The following UBE2W variants were observed in gnomAD, a reference collection of about 807,000 sequenced individuals.
UBE2W encodes ubiquitin-conjugating enzyme E2 W.
In UBE2W, 18 loss-of-function variants were observed where a neutral mutation model predicts 27.2. The observed-to-expected ratio is 0.66, with a 90% CI of 0.46 to 0.98. The LOEUF is 0.98. UBE2W is among the 50% of genes least tolerant of loss of function. The pLI is 0.00. For missense variants in UBE2W, 90 were observed against 180.2 expected (o/e 0.50, Z 2.87); for synonymous variants, 53 against 57.2 (o/e 0.93, Z 0.33).
At chr8:73,811,589 T>C (rs1809157226) in intron 3 of UBE2W, among the ~76,000 whole-genome samples, 1 of 152,120 alleles carries the variant, frequency 6.6e-6, no homozygotes, top group Non-Finnish European at 1.5e-5. Context: ...AAAGAACACA[T>C]AGTTGGAAGA....
intron 1 of UBE2W, among the ~76,000 whole-genome samples, chr8:73,844,879 C>A (rs534384265): frequency 1.3e-5 from 2 of 151,484 alleles, no homozygotes; most frequent in South Asian, 2.1e-4. Flanking sequence ...ACGGGCCACC[C>A]CGTCTGAGAA....
chr8:73,864,697 C>A (rs1048711785), intron 1 of UBE2W, among the ~76,000 whole-genome samples: 1 of 143,266 alleles, frequency 7.0e-6, no homozygotes, highest in Non-Finnish European at 1.5e-5. Context: ...CTGCCTCAGC[C>A]TCCCGAGTAG....
rs1810184629 is a variant in UBE2W, at chr8:73,833,625, CA to C, written c.16-3154del. ...CTCTTCCCTTGTTATCATCAGTGGACATACTTTTTCAGTGTACAACCAGGCA... is the reference window on the plus strand; with the variant it reads ...CTCTTCCCTTGTTATCATCAGTGGACTACTTTTTCAGTGTACAACCAGGCA... On this transcript the variant is annotated intron_variant, in intron 1 of 5. Coordinates refer to ENST00000602593, the MANE Select transcript of UBE2W (RefSeq NM_018299.6). 3.9e-5 allele frequency: 6 copies of C among 152,022 alleles called. No homozygotes were observed. The South Asian group carries it at 1.2e-3, about 31-fold the overall frequency. 9.4% of individuals were successfully genotyped at this position (152,022 alleles called of 1,614,324 possible). A position where few individuals can be genotyped will look rare whatever the true frequency, so the allele number is the denominator to read the frequency against.
intron 1 of UBE2W, among the ~76,000 whole-genome samples, chr8:73,845,569 C>G (rs1009406125): frequency 3.9e-5 from 6 of 151,990 alleles, no homozygotes; most frequent in African/African-American, 1.5e-4. Flanking sequence ...ACAAACATTG[C>G]GGAAGGCGGC....
chr8:73,798,897 G>T (rs893516867), intron 5 of UBE2W, among the ~76,000 whole-genome samples: 1 of 151,824 alleles, frequency 6.6e-6, no homozygotes, highest in Non-Finnish European at 1.5e-5. Context: ...GAGGTGAGTT[G>T]TCTATTTTGC....
At chr8:73,817,709 C>T (rs1372028833) in intron 3 of UBE2W, among the ~76,000 whole-genome samples, 1 of 152,066 alleles carries the variant, frequency 6.6e-6, no homozygotes, top group Non-Finnish European at 1.5e-5. Flanking sequence ...GTATGGGTTT[C>T]ACCATGTTGG....
intron 2 of UBE2W, among the ~76,000 whole-genome samples, chr8:73,829,008 C>T (rs1370542889): frequency 2.0e-5 from 3 of 151,958 alleles, no homozygotes; most frequent in Non-Finnish European, 4.4e-5. Context: ...GAAGATGGCA[C>T]AAAGGTAAAA....
chr8:73,820,506 G>A (rs1809564338), intron 3 of UBE2W, among the ~76,000 whole-genome samples: 1 of 152,016 alleles, frequency 6.6e-6, no homozygotes, highest in East Asian at 1.9e-4. Context: ...ACAGGCCGAG[G>A]CGAGCAGATC....
intron 1 of UBE2W, 108 bp from the exon 2 acceptor site, chr8:73,830,580 G>A: frequency 1.3e-6 from 1 of 790,046 alleles, no homozygotes; most frequent in Non-Finnish European, 2.1e-6. Flanking sequence ...CAAACTCCTG[G>A]GCTCAAGGAA....
chr8:73,829,157 T>C (rs1369039027), intron 2 of UBE2W, among the ~76,000 whole-genome samples: 4 of 152,168 alleles, frequency 2.6e-5, no homozygotes, highest in African/African-American at 9.6e-5. Context: ...TACCTGGTAA[T>C]CTATTAAAAT....
At chr8:73,784,640 T>C (rs1295226974), downstream of UBE2W, among the ~76,000 whole-genome samples, 2 of 152,262 alleles carry the variant, frequency 1.3e-5, no homozygotes, top group East Asian at 3.9e-4. Context: ...CACACCTTAA[T>C]CCAAGTCCAA....
intron 1 of UBE2W, among the ~76,000 whole-genome samples, chr8:73,849,807 A>G (rs1449235353): frequency 6.6e-6 from 1 of 152,086 alleles, no homozygotes; most frequent in Non-Finnish European, 1.5e-5. Context: ...AGAGTACAGA[A>G]TGGTTCAGAG....
Position 73,789,107 on chromosome 8 carries a change from A to C in UBE2W, c.*4995T>G, listed in dbSNP as rs1443569619. On this transcript the variant is annotated 3_prime_UTR_variant, in exon 6 of 6. Transcript: ENST00000602593. ...CCTAACTTCAACTTTCAGGATAGAG[A>C]GCTAAGTTTCAAGTACATGTCTAGA... The C allele has an allele frequency of 1.0e-6, 1 of 984,998 alleles. No individual in the cohort carries two copies. Among genetic ancestry groups the C allele is most frequent in the African/African-American group, 1.7e-5 (1 of 57,148 alleles). The allele number at this position is 984,998 out of a possible 1,614,324, so 61.0% of individuals were successfully genotyped here. A position where few individuals can be genotyped will look rare whatever the true frequency, so the allele number is the denominator to read the frequency against.
intron 4 of UBE2W, among the ~76,000 whole-genome samples, chr8:73,807,946 A>G (rs1488350342): frequency 1.3e-5 from 2 of 152,222 alleles, no homozygotes; most frequent in Non-Finnish European, 2.9e-5. Context: ...AGGCATGCAA[A>G]TAAAGTGGAA....
At chr8:73,822,153 C>T (rs977196469) in intron 3 of UBE2W, among the ~76,000 whole-genome samples, 1 of 152,158 alleles carries the variant, frequency 6.6e-6, no homozygotes, top group African/African-American at 2.4e-5. Context: ...ACATTGAAGG[C>T]ACCCCTCCTG....
chr8:73,836,793 C>A (rs1174302567), intron 1 of UBE2W, among the ~76,000 whole-genome samples: 6 of 152,196 alleles, frequency 3.9e-5, no homozygotes, highest in African/African-American at 1.2e-4. Flanking sequence ...AGGTATGACA[C>A]CACTGGCTTA....
chr8:73,832,937 C>T (rs907808891), intron 1 of UBE2W, among the ~76,000 whole-genome samples: 1 of 152,132 alleles, frequency 6.6e-6, no homozygotes, highest in Non-Finnish European at 1.5e-5. Flanking sequence ...CGCCTGTAAT[C>T]CCAGCACTTT....
chr8:73,871,313 A>G (rs1047615224), intron 1 of UBE2W, among the ~76,000 whole-genome samples: 1 of 152,250 alleles, frequency 6.6e-6, no homozygotes, highest in Non-Finnish European at 1.5e-5. Context: ...GAAGTTGCCT[A>G]TATACCAACA....
downstream of UBE2W, among the ~76,000 whole-genome samples, chr8:73,785,589 TG>T: frequency 6.6e-6 from 1 of 152,090 alleles, no homozygotes. Flanking sequence ...TTTCCAACCC[TG>T]GCACCCATCC....
Sources: allele counts gnomAD v4.1 joint callset (sites outside exome capture counted in the v4.1 genomes callset), GRCh38; gene constraint gnomAD v4.1.1; transcripts MANE v1.5; gene names NCBI Gene and HGNC (gene_info 2026-07-23, HGNC 2026-07-21).